TIMD4: variants seen among roughly 807,000 people sequenced by gnomAD.
TIMD4 encodes the protein T cell immunoglobulin and mucin domain containing 4, also known as T-cell immunoglobulin and mucin domain-containing protein 4.
Under a neutral mutation model 41.2 loss-of-function variants are expected in TIMD4, and 31 were observed. The ratio of observed to expected loss-of-function variants is 0.75; its 90% CI spans 0.57 to 1.01. The LOEUF (loss-of-function observed/expected upper bound fraction) is 1.01, where lower values mean the gene tolerates loss of function less well. Among genes scored for constraint, TIMD4 ranks in the 50% least tolerant of loss-of-function variants. The pLI, the probability that TIMD4 is intolerant of heterozygous loss-of-function variation, is 0.00. For missense variants in TIMD4, 479 were observed against 472.5 expected (o/e 1.01, Z -0.13); for synonymous variants, 204 against 177.1 (o/e 1.15, Z -1.21).
chr5:156,919,631 C>A (rs538878823), intron 8 of TIMD4, 90 bp from the exon 9 acceptor site: 237 of 1,043,432 alleles, frequency 2.3e-4, no homozygotes, highest in Non-Finnish European at 3.0e-4. Context: ...TGCAATTACC[C>A]TTAAAGTTCA....
chr5:156,938,901 C>T (rs1382152728), intron 5 of TIMD4, among the ~76,000 whole-genome samples: 1 of 152,142 alleles, frequency 6.6e-6, no homozygotes, highest in Non-Finnish European at 1.5e-5. Flanking sequence ...CTTTGCCAGC[C>T]CAGCTTCCTC....
intron 6 of TIMD4, chr5:156,924,321 C>G: frequency 2.9e-6 from 1 of 345,366 alleles, no homozygotes; most frequent in Non-Finnish European, 5.8e-6. Context: ...TCAGCTTTGA[C>G]ATTATCAAGA....
chr5:156,925,942 C>T (rs1364264683), intron 6 of TIMD4, among the ~76,000 whole-genome samples: 1 of 152,176 alleles, frequency 6.6e-6, no homozygotes, highest in Non-Finnish European at 1.5e-5. Context: ...TCTCACTCTG[C>T]CACCAGGCTG....
intron 1 of TIMD4, among the ~76,000 whole-genome samples, chr5:156,955,064 C>T (rs149261033): frequency 6.6e-6 from 1 of 151,942 alleles, no homozygotes; most frequent in Non-Finnish European, 1.5e-5. Flanking sequence ...TGCTTTTGTA[C>T]AGACAGGGTT....
chr5:156,934,787 T>TCC (rs1759509005), intron 5 of TIMD4, among the ~76,000 whole-genome samples: 4 of 151,890 alleles, frequency 2.6e-5, no homozygotes, highest in Admixed American at 2.6e-4. Flanking sequence ...AAAACACAAA[T>TCC]TCTCGAATGA....
chr5:156,921,616 CA>C (rs66842169), intron 7 of TIMD4, among the ~76,000 whole-genome samples: 698 of 47,254 alleles, frequency 0.015, 3 homozygotes, highest in Non-Finnish European at 0.019. Context: ...GAGACTCTCT[CA>C]AAAAAAAAAA....
intron 6 of TIMD4, chr5:156,924,309 T>G: frequency 2.9e-6 from 1 of 345,642 alleles, no homozygotes; most frequent in Non-Finnish European, 5.8e-6. Context: ...GGAAAGCATC[T>G]CTCAGCTTTG....
In TIMD4 at chr5:156,926,309, G is replaced by A; in HGVS notation, c.848C>T (p.Ser283Phe). The change falls in exon 6 of 9, where the codon TCT (serine) becomes TTT (phenylalanine). Residue 283 changes from serine (S) to phenylalanine (F), a missense_variant. Ser to Phe is a radical substitution (Grantham distance 155). Transcript: ENST00000274532. The part of the protein sequence containing the change: ...DSVSSPQPGA[S>F]DTAVPEQNKT... ...GTTCTGCTCAGGAACTGCTGTATCAGATGCTGGGAAGGAAAAGAGAAGAAA... is the reference window on the plus strand; with the variant it reads ...GTTCTGCTCAGGAACTGCTGTATCAAATGCTGGGAAGGAAAAGAGAAGAAA... 6.2e-7 allele frequency: 1 copy of A among 1,613,620 alleles called. No homozygotes were observed. The highest frequency in any genetic ancestry group is 8.5e-7 in the Non-Finnish European group (1 of 1,179,666).
At chr5:156,920,846 G>A (rs532677698) in intron 7 of TIMD4, among the ~76,000 whole-genome samples, 10 of 152,276 alleles carry the variant, frequency 6.6e-5, no homozygotes, top group African/African-American at 2.4e-4. Flanking sequence ...CTGTAATCAT[G>A]CCTTTGTATG....
At chr5:156,936,950 A>T (rs1279673991) in intron 5 of TIMD4, among the ~76,000 whole-genome samples, 2 of 151,418 alleles carry the variant, frequency 1.3e-5, no homozygotes, top group African/African-American at 2.4e-5. Flanking sequence ...AAAAAAAAAA[A>T]AGGAAATGAA....
rs532149661 is a variant in TIMD4, at chr5:156,955,655, C to CA, written c.59-900dup. Among the ~76,000 whole-genome samples, 377 of 126,190 alleles carry CA rather than the reference C, an allele frequency of 3.0e-3. 1 individual carries two copies. Among genetic ancestry groups the CA allele is most frequent in the Non-Finnish European group, 3.8e-3 (226 of 58,724 alleles). 82.8% of individuals were successfully genotyped at this position (126,190 alleles called of 152,430 possible). ...TGGGCAACAAAGTGAGACTCCATCT[C>CA]AAAAAAAAAAAAGCTTCAAATGGGT... On this transcript the variant is annotated intron_variant, in intron 1 of 8. Transcript: ENST00000274532.
chr5:156,956,469 A>T (rs2113393647), intron 1 of TIMD4, among the ~76,000 whole-genome samples: 1 of 152,360 alleles, frequency 6.6e-6, no homozygotes, highest in South Asian at 2.1e-4. Flanking sequence ...TGTTAAAAAT[A>T]CATAGTTCAT....
At chr5:156,953,653 CAAAAAAAAAAA>C (rs35165963) in intron 2 of TIMD4, among the ~76,000 whole-genome samples, 30 of 58,490 alleles carry the variant, frequency 5.1e-4, no homozygotes, top group Middle Eastern at 0.019. Context: ...AAACTCTGTC[CAAAAAAAAAAA>C]AAAAAAAAAA....
intron 5 of TIMD4, among the ~76,000 whole-genome samples, chr5:156,944,118 A>G (rs1174911383): frequency 6.6e-6 from 1 of 152,118 alleles, no homozygotes. Flanking sequence ...AAGTATGATC[A>G]GAGTTCCTAG....
chr5:156,946,883 C>T (rs916815289), intron 5 of TIMD4, among the ~76,000 whole-genome samples: 1 of 151,928 alleles, frequency 6.6e-6, no homozygotes, highest in African/African-American at 2.4e-5. Flanking sequence ...AACTCAAACT[C>T]TCTGTTAATC....
chr5:156,935,121 C>A (rs1336625034), intron 5 of TIMD4, among the ~76,000 whole-genome samples: 1 of 151,770 alleles, frequency 6.6e-6, no homozygotes, highest in African/African-American at 2.4e-5. Context: ...CAAAAGAATC[C>A]AAAAATCACA....
intron 5 of TIMD4, among the ~76,000 whole-genome samples, chr5:156,948,148 C>T (rs1460187242): frequency 6.6e-6 from 1 of 151,944 alleles, no homozygotes. Flanking sequence ...AGTTGAATCC[C>T]AAGACAACCA....
At chr5:156,930,269 A>C (rs1345171549) in intron 5 of TIMD4, among the ~76,000 whole-genome samples, 2 of 152,152 alleles carry the variant, frequency 1.3e-5, no homozygotes, top group African/African-American at 2.4e-5. Flanking sequence ...CCTCACACTG[A>C]ATATTTAATC....
chr5:156,963,107 G>C, intron 1 of TIMD4, 34 bp downstream of exon 1: 2 of 1,609,352 alleles, frequency 1.2e-6, no homozygotes, highest in Non-Finnish European at 1.7e-6. Flanking sequence ...AAGTCCTCTG[G>C]AAACTTCTAC....
Sources: allele counts gnomAD v4.1 joint callset (sites outside exome capture counted in the v4.1 genomes callset), GRCh38; gene constraint gnomAD v4.1.1; transcripts MANE v1.5; gene names NCBI Gene and HGNC (gene_info 2026-07-23, HGNC 2026-07-21).